Variants in RAPGEF6 observed in about 807,000 individuals in gnomAD.
The protein encoded by RAPGEF6 is PDZ domain containing guanine nucleotide exchange factor (GEF) 2.
A neutral mutation model predicts 171.4 loss-of-function variants in RAPGEF6; 56 were observed. The ratio of observed to expected loss-of-function variants is 0.33; its 90% CI spans 0.26 to 0.41. The LOEUF (loss-of-function observed/expected upper bound fraction) is 0.41. Ranked by LOEUF, RAPGEF6 falls within the 10% of genes least tolerant of loss-of-function variation. The probability of loss-of-function intolerance (pLI) is 1.00; values close to 1 mark genes in which losing one functional copy is unlikely to be tolerated. For missense variants in RAPGEF6, 1,674 were observed against 1,921.4 expected (o/e 0.87, Z 2.41); for synonymous variants, 692 against 650.1 (o/e 1.06, Z -0.98).
At chr5:131,477,398 A>G (rs1209645910) in intron 16 of RAPGEF6, among the ~76,000 whole-genome samples, 1 of 152,238 alleles carries the variant, frequency 6.6e-6, no homozygotes, top group East Asian at 1.9e-4. Flanking sequence ...ATTCATAACC[A>G]AGCATTTTCT....
Position 131,521,417 on chromosome 5 carries a change from TCCAGAGTCACTGGCAATGCTA to T in RAPGEF6, c.579_599del (p.Cys193_Gly200delinsTer). On this transcript the variant is annotated stop_gained and inframe_deletion, in exon 7 of 28. Coordinates refer to ENST00000509018, the MANE Select transcript of RAPGEF6 (RefSeq NM_016340.6). LOFTEE classifies it high-confidence loss of function. ...GATAGATATCAGATAAACTGCTGCT[TCCAGAGTCACTGGCAATGCTA>T]CAACCAGACTGACTAGAAGACACAT... The T allele has an allele frequency of 6.2e-7, 1 of 1,611,378 alleles. No individual in the cohort carries two copies. Among genetic ancestry groups the T allele is most frequent in the Non-Finnish European group, 8.5e-7 (1 of 1,178,514 alleles).
intron 17 of RAPGEF6, among the ~76,000 whole-genome samples, chr5:131,465,605 A>AC (rs1754280189): frequency 6.6e-6 from 1 of 152,020 alleles, no homozygotes; most frequent in Non-Finnish European, 1.5e-5. Context: ...ATATAGCAAG[A>AC]CCCCATCTCT....
At chr5:131,466,841 G>A (rs1208411760) in intron 17 of RAPGEF6, among the ~76,000 whole-genome samples, 1 of 152,134 alleles carries the variant, frequency 6.6e-6, no homozygotes, top group Non-Finnish European at 1.5e-5. Context: ...GCAAACAAAT[G>A]GAAATTTCAA....
Position 131,528,912 on chromosome 5 carries a change from C to T in RAPGEF6, c.496-7391G>A, listed in dbSNP as rs139280800. The stretch of plus-strand genomic sequence containing the variant: ...GCAGATAGGTACAGTAAGATAAGGG[C>T]AAAGAAATGACCTGCAGCTTTAGCT... On this transcript the variant is annotated intron_variant, in intron 6 of 27. Transcript: ENST00000509018. Among the ~76,000 whole-genome samples the T allele has an allele frequency of 3.7e-3, 570 of 152,138 alleles. 4 individuals are homozygous for T. Among genetic ancestry groups the T allele is most frequent in the African/African-American group, 0.013 (540 of 41,498 alleles).
chr5:131,603,349 G>A, intron 2 of RAPGEF6, 22 bp from the exon 3 acceptor site: 1 of 1,411,424 alleles, frequency 7.1e-7, no homozygotes, highest in Non-Finnish European at 9.7e-7. Flanking sequence ...AAAAATTGAA[G>A]ATTTTATCTT....
intron 6 of RAPGEF6, among the ~76,000 whole-genome samples, chr5:131,524,599 AGAGAGAGATT>A (rs1407273152): frequency 1.4e-3 from 119 of 83,748 alleles, no homozygotes; most frequent in South Asian, 2.5e-3. Flanking sequence ...GGGAGGGGGG[AGAGAGAGATT>A]GAGAGAGAGA....
intron 14 of RAPGEF6, among the ~76,000 whole-genome samples, chr5:131,491,818 A>G (rs1756301759): frequency 6.6e-6 from 1 of 152,178 alleles, no homozygotes; most frequent in South Asian, 2.1e-4. Context: ...TGGTCCGTGG[A>G]AAAACTGTCT....
chr5:131,427,328 G>T, intron 27 of RAPGEF6, 37 bp from the exon 28 acceptor site: 6 of 1,506,918 alleles, frequency 4.0e-6, no homozygotes, highest in Non-Finnish European at 5.5e-6. Context: ...TGGCAGATCA[G>T]CATATTAATG....
intron 3 of RAPGEF6, among the ~76,000 whole-genome samples, chr5:131,595,112 T>C (rs1460282417): frequency 6.6e-6 from 1 of 152,174 alleles, no homozygotes; most frequent in East Asian, 1.9e-4. Context: ...TTTGGCTCTA[T>C]GTCCCCACTC....
chr5:131,599,573 GAA>G (rs1223492660), intron 3 of RAPGEF6, among the ~76,000 whole-genome samples: 1 of 152,122 alleles, frequency 6.6e-6, no homozygotes, highest in African/African-American at 2.4e-5. Context: ...GCGCAAGAGA[GAA>G]AAAGATAGTT....
intron 4 of RAPGEF6, among the ~76,000 whole-genome samples, chr5:131,586,530 C>G (rs1014341470): frequency 1.3e-5 from 2 of 152,034 alleles, no homozygotes; most frequent in African/African-American, 4.8e-5. Context: ...ACTTGGGAGG[C>G]TTAGGCAGGA....
chr5:131,432,750 G>A (rs1307802267), intron 25 of RAPGEF6, among the ~76,000 whole-genome samples: 3 of 152,138 alleles, frequency 2.0e-5, no homozygotes, highest in East Asian at 1.9e-4. Flanking sequence ...TATGGCCTGT[G>A]AAGTCTAAAA....
intron 3 of RAPGEF6, among the ~76,000 whole-genome samples, chr5:131,600,444 C>A (rs890427232): frequency 6.6e-6 from 1 of 151,814 alleles, no homozygotes; most frequent in Non-Finnish European, 1.5e-5. Flanking sequence ...ATCGTATGAA[C>A]CCAGGAGGCG....
At chr5:131,440,268 T>C (rs1752293640) in intron 23 of RAPGEF6, 1 of 455,942 alleles carries the variant, frequency 2.2e-6, no homozygotes, top group Non-Finnish European at 4.4e-6. Context: ...ATCATGAATG[T>C]ATAGAAAAAT....
chr5:131,446,720 A>G lies in RAPGEF6; in HGVS notation c.3201-17T>C. 1 of 1,600,596 alleles carries G rather than the reference A, an allele frequency of 6.2e-7. No homozygotes were observed. The highest frequency in any genetic ancestry group is 8.6e-7 in the Non-Finnish European group (1 of 1,168,464). Reference sequence around the variant, plus strand: ...CTCAGTGACCTATAAGAAGATGAAAATCACAATAAGGGGCTATAGAGATGA... The same window carrying G: ...CTCAGTGACCTATAAGAAGATGAAAGTCACAATAAGGGGCTATAGAGATGA... On this transcript the variant is annotated splice_polypyrimidine_tract_variant and intron_variant, in intron 21 of 27. Coordinates refer to ENST00000509018, the MANE Select transcript of RAPGEF6 (RefSeq NM_016340.6).
intron 27 of RAPGEF6, 48 bp downstream of exon 27, chr5:131,428,854 G>A (rs1339977981): frequency 1.3e-6 from 2 of 1,506,544 alleles, no homozygotes; most frequent in South Asian, 1.2e-5. Flanking sequence ...ACCATTTAAT[G>A]TGTTCAGCAA....
In RAPGEF6 at chr5:131,455,881, A is replaced by C. The variant is rs367969908; in HGVS notation, c.2996T>G (p.Ile999Ser). ...AGGCTGCATACTTTGACTACTAAGA[A>C]TATTTCTATACTTTGCCATGTTTCT... is the stretch of plus-strand genomic sequence containing the variant. ...PSRNMAKYRN[I>S]LSSQSMQPPI... The change falls in exon 20 of 28, where the codon ATT becomes AGT. Residue 999 changes from isoleucine (I) to serine (S), a missense_variant. By Grantham distance (142) the Ile-to-Ser change is moderately radical (BLOSUM62 -2). Coordinates refer to ENST00000509018, the MANE Select transcript of RAPGEF6 (RefSeq NM_016340.6). The C allele has an allele frequency of 6.2e-6, 10 of 1,613,818 alleles. No homozygotes were observed. In the South Asian group the frequency reaches 9.9e-5, roughly 16 times the overall value.
At chr5:131,612,253 T>A (rs1478472209) in intron 1 of RAPGEF6, among the ~76,000 whole-genome samples, 1 of 136,306 alleles carries the variant, frequency 7.3e-6, no homozygotes, top group Admixed American at 8.8e-5. Flanking sequence ...GAAACGATAA[T>A]TTGAATATCC....
At chr5:131,519,648 C>T (rs1241365409) in intron 7 of RAPGEF6, among the ~76,000 whole-genome samples, 4 of 152,156 alleles carry the variant, frequency 2.6e-5, no homozygotes, top group African/African-American at 4.8e-5. Flanking sequence ...GTAATCCGCC[C>T]GCCTAGGCCT....
Sources: allele counts gnomAD v4.1 joint callset (sites outside exome capture counted in the v4.1 genomes callset), GRCh38; gene constraint gnomAD v4.1.1; transcripts MANE v1.5; gene names NCBI Gene and HGNC (gene_info 2026-07-23, HGNC 2026-07-21).